Variants in PRNP observed in about 807,000 individuals in gnomAD.
PRNP encodes the protein prion protein (Kanno blood group).
A neutral mutation model predicts 21.3 loss-of-function variants in PRNP; 15 were observed. The observed-to-expected ratio is 0.71, with a 90% CI of 0.47 to 1.09. The LOEUF is 1.09. Ranked by LOEUF, PRNP falls within the 50% of genes least tolerant of loss-of-function variation. The pLI, the probability that PRNP is intolerant of heterozygous loss-of-function variation, is 0.00. For missense variants in PRNP, 285 were observed against 340.9 expected (o/e 0.84, Z 1.29); for synonymous variants, 121 against 123.1 (o/e 0.98, Z 0.11).
intron 1 of PRNP, among the ~76,000 whole-genome samples, chr20:4,696,433 G>A (rs937833447): frequency 1.3e-5 from 2 of 152,198 alleles, no homozygotes; most frequent in Admixed American, 6.5e-5. Flanking sequence ...TATTGCTACT[G>A]TAGAGGAATG....
intron 1 of PRNP, among the ~76,000 whole-genome samples, chr20:4,687,194 G>T (rs1308008223): frequency 6.6e-6 from 1 of 152,158 alleles, no homozygotes; most frequent in Non-Finnish European, 1.5e-5. Flanking sequence ...GCAGCCTTGC[G>T]GCCGTTGCCA....
rs1229191883 is a variant in PRNP at position 4,700,120 on chromosome 20, G to T, written c.*138G>T. 2 of 1,548,892 alleles carry T rather than the reference G, an allele frequency of 1.3e-6. No individual in the cohort carries two copies. Among genetic ancestry groups the T allele is most frequent in the Non-Finnish European group, 1.7e-6 (2 of 1,146,416 alleles). On this transcript the variant is annotated 3_prime_UTR_variant, in exon 2 of 2. Coordinates refer to ENST00000379440, the MANE Select transcript of PRNP (RefSeq NM_000311.5). This position sits in a 1 kb window ranked among gnomAD's most constrained non-coding sequence, Gnocchi z 4.1. ...CCGGATAGGCTAATCAATACCCTTG[G>T]CACTGATGGGCACTGGAAAACATAG...
chr20:4,699,905 G>T lies in PRNP; in HGVS notation c.685G>T (p.Gly229Ter), dbSNP rs1922478980. ...GGAATCTCAGGCCTATTACCAGAGAGGATCGAGCATGGTCCTCTTCTCCTC... is the reference window on the plus strand; with the variant it reads ...GGAATCTCAGGCCTATTACCAGAGATGATCGAGCATGGTCCTCTTCTCCTC... The part of the protein sequence containing the change: ...ERESQAYYQR[G>*]SSMVLFSSPP... Residue 229 changes from glycine to a stop codon, truncating the protein, a stop_gained, in exon 2 of 2, where the codon GGA becomes TGA. Transcript: ENST00000379440. LOFTEE classifies it high-confidence loss of function. This position sits in a 1 kb window ranked among gnomAD's most constrained non-coding sequence, Gnocchi z 5.8. 2 of 1,613,746 alleles carry T rather than the reference G, an allele frequency of 1.2e-6. No homozygotes were observed. The highest frequency in any genetic ancestry group is 1.7e-5 in the Admixed American group (1 of 59,950).
rs1922579436 is a variant in PRNP at position 4,701,092 on chromosome 20, T to C, written c.*1110T>C. On this transcript the variant is annotated 3_prime_UTR_variant, in exon 2 of 2. Transcript: ENST00000379440. This position sits in a 1 kb window ranked among gnomAD's most constrained non-coding sequence, Gnocchi z 4.2. ...AGACAATCTAAAAAATATCTTAGGTTGGAGATGACAGAAATATGATTGATT... is the reference window on the plus strand; with the variant it reads ...AGACAATCTAAAAAATATCTTAGGTCGGAGATGACAGAAATATGATTGATT... 1 of 166,042 alleles carries C rather than the reference T, an allele frequency of 6.0e-6. No individual in the cohort carries two copies. The highest frequency in any genetic ancestry group is 1.5e-5 in the Non-Finnish European group (1 of 68,110). 10.3% of individuals were successfully genotyped at this position (166,042 alleles called of 1,614,324 possible). A position where few individuals can be genotyped will look rare whatever the true frequency, so the allele number is the denominator to read the frequency against.
chr20:4,692,082 T>G (rs1327030068), intron 1 of PRNP, among the ~76,000 whole-genome samples: 2 of 152,234 alleles, frequency 1.3e-5, no homozygotes, highest in African/African-American at 4.8e-5. Flanking sequence ...TAAAATTACC[T>G]TTGAATTCTG....
At chr20:4,690,672 AATTT>A (rs1178042459) in intron 1 of PRNP, among the ~76,000 whole-genome samples, 2 of 152,150 alleles carry the variant, frequency 1.3e-5, no homozygotes, top group African/African-American at 4.8e-5. Flanking sequence ...TTCTTTTTCA[AATTT>A]ATTTATTTTT....
intron 1 of PRNP, among the ~76,000 whole-genome samples, chr20:4,687,128 C>T (rs1228098222): frequency 6.6e-6 from 1 of 152,182 alleles, no homozygotes; most frequent in East Asian, 1.9e-4. Flanking sequence ...CAGCGTTCCT[C>T]CCGGGAGGCG....
rs1430873472 is a variant in PRNP at position 4,701,265 on chromosome 20, AT to A, written c.*1284del. The A allele has an allele frequency of 1.0e-4, 17 of 167,170 alleles. No individual in the cohort carries two copies. The highest frequency in any genetic ancestry group is 3.9e-4 in the African/African-American group (16 of 41,546). The allele number at this position is 167,170 out of a possible 1,614,324, so 10.4% of individuals were successfully genotyped here. ...GTGAGTATTCTATGTAAAAATATAT[AT>A]GTATATAAAATATATATTGCATAGG... On this transcript the variant is annotated 3_prime_UTR_variant, in exon 2 of 2. Transcript: ENST00000379440. This position sits in a 1 kb window ranked among gnomAD's most constrained non-coding sequence, Gnocchi z 4.2.
Position 4,697,492 on chromosome 20 carries a change from G to T in PRNP, c.-10-1719G>T, listed in dbSNP as rs762250479. Among the ~76,000 whole-genome samples the T allele has an allele frequency of 2.0e-5, 3 of 152,170 alleles. No individual in the cohort carries two copies. The highest frequency in any genetic ancestry group is 7.2e-5 in the African/African-American group (3 of 41,438). On this transcript the variant is annotated intron_variant, in intron 1 of 1. Coordinates refer to ENST00000379440, the MANE Select transcript of PRNP (RefSeq NM_000311.5). The surrounding 1 kb of genome is among the most constrained non-coding windows in gnomAD (Gnocchi z 4.6). ...GGTGCTGTTTTAGGTAGAGTGATGG[G>T]AACAGCCCCACTGAGCAAACTTTAG...
At chr20:4,687,315 G>A (rs1055945461) in intron 1 of PRNP, among the ~76,000 whole-genome samples, 4 of 152,156 alleles carry the variant, frequency 2.6e-5, no homozygotes, top group Non-Finnish European at 5.9e-5. Context: ...GGCGGGGAGA[G>A]AGGAGCTGCA....
In PRNP at chr20:4,699,738, A is replaced by G. The variant is rs1292160648; in HGVS notation, c.518A>G (p.Asn173Ser). 2.5e-6 allele frequency: 4 copies of G among 1,613,958 alleles called. No individual in the cohort carries two copies. The South Asian group carries it at 4.4e-5, about 18-fold the overall frequency. Residue 173 changes from asparagine (N) to serine (S), a missense_variant, in exon 2 of 2, where the codon AAC (asparagine) becomes AGC (serine). Asn to Ser is a conservative substitution (Grantham distance 46, BLOSUM62 1). Coordinates refer to ENST00000379440, the MANE Select transcript of PRNP (RefSeq NM_000311.5). This position sits in a 1 kb window ranked among gnomAD's most constrained non-coding sequence, Gnocchi z 5.8. ...YRPMDEYSNQ[N>S]NFVHDCVNIT... Reference sequence around the variant, plus strand: ...CCCATGGATGAGTACAGCAACCAGAACAACTTTGTGCACGACTGCGTCAAT... The same window carrying G: ...CCCATGGATGAGTACAGCAACCAGAGCAACTTTGTGCACGACTGCGTCAAT...
intron 1 of PRNP, among the ~76,000 whole-genome samples, chr20:4,696,321 A>G (rs961913063): frequency 2.6e-5 from 4 of 152,186 alleles, no homozygotes; most frequent in Admixed American, 1.3e-4. Flanking sequence ...TGTTCTCTGT[A>G]TAATGTGTCA....
Position 4,699,673 on chromosome 20 carries a change from T to C in PRNP, c.453T>C (p.Arg151=). ...FGSDYEDRYY[R]ENMHRYPNQV... The stretch of plus-strand genomic sequence containing the variant: ...GTGACTATGAGGACCGTTACTATCG[T>C]GAAAACATGCACCGTTACCCCAACC... The change falls in exon 2 of 2, where the codon CGT becomes CGC. Residue 151 remains arginine (R), a synonymous_variant. Transcript: ENST00000379440. The surrounding 1 kb of genome is among the most constrained non-coding windows in gnomAD (Gnocchi z 5.8). 1 of 1,613,598 alleles carries C rather than the reference T, an allele frequency of 6.2e-7. No homozygotes were observed. The highest frequency in any genetic ancestry group is 8.5e-7 in the Non-Finnish European group (1 of 1,179,884).
At chr20:4,695,562 TG>T (rs1922115827) in intron 1 of PRNP, among the ~76,000 whole-genome samples, 1 of 143,336 alleles carries the variant, frequency 7.0e-6, no homozygotes. Context: ...AGTTTTGCAA[TG>T]AACATACACG....
chr20:4,699,586 G>A lies in PRNP; in HGVS notation c.366G>A (p.Val122=), dbSNP rs757409258. The part of the protein sequence containing the change: ...MAGAAAAGAV[V]GGLGGYMLGS... Reference sequence around the variant, plus strand: ...GTGCTGCAGCAGCTGGGGCAGTGGTGGGGGGCCTTGGCGGCTACATGCTGG... The same window carrying A: ...GTGCTGCAGCAGCTGGGGCAGTGGTAGGGGGCCTTGGCGGCTACATGCTGG... The change falls in exon 2 of 2, where the codon GTG becomes GTA. Residue 122 remains valine, a synonymous_variant. Coordinates refer to ENST00000379440, the MANE Select transcript of PRNP (RefSeq NM_000311.5). The surrounding 1 kb of genome is among the most constrained non-coding windows in gnomAD (Gnocchi z 5.8). 3 of 1,613,890 alleles carry A rather than the reference G, an allele frequency of 1.9e-6. No individual in the cohort carries two copies. The highest frequency in any genetic ancestry group is 3.3e-5 in the Admixed American group (2 of 60,010).
intron 1 of PRNP, among the ~76,000 whole-genome samples, chr20:4,696,477 C>T (rs994049114): frequency 1.3e-5 from 2 of 152,224 alleles, no homozygotes; most frequent in Non-Finnish European, 1.5e-5. Flanking sequence ...TTCAGTCCCA[C>T]AACCTTGCAC....
rs763734878 is a variant in PRNP, at chr20:4,697,821, G to A, written c.-10-1390G>A. Among the ~76,000 whole-genome samples, 142 of 152,272 alleles carry A rather than the reference G, an allele frequency of 9.3e-4. No individual in the cohort carries two copies. Among genetic ancestry groups the A allele is most frequent in the Non-Finnish European group, 1.7e-3 (116 of 68,024 alleles). On this transcript the variant is annotated intron_variant, in intron 1 of 1. Transcript: ENST00000379440. The surrounding 1 kb of genome is among the most constrained non-coding windows in gnomAD (Gnocchi z 4.6). Reference sequence around the variant, plus strand: ...AGAAATCAGGTGAGAAGTGATGGAAGCACCGAATAAGATGGTCATGTTGGA... The same window carrying A: ...AGAAATCAGGTGAGAAGTGATGGAAACACCGAATAAGATGGTCATGTTGGA...
rs536963151 is a variant in PRNP at position 4,687,929 on chromosome 20, T to G, written c.-11+1417T>G. On this transcript the variant is annotated intron_variant, in intron 1 of 1. Transcript: ENST00000379440. Reference sequence around the variant, plus strand: ...ACTTCTGGAAAAATCAACAACGCTCTTAGATTTGTAGAAGAAAGGAAAAAA... The same window carrying G: ...ACTTCTGGAAAAATCAACAACGCTCGTAGATTTGTAGAAGAAAGGAAAAAA... 5.3e-5 allele frequency among the ~76,000 whole-genome samples: 8 copies of G among 152,322 alleles called. No homozygotes were observed. In the South Asian group the frequency reaches 1.7e-3, roughly 32 times the overall value.
rs926468769 is a variant in PRNP at position 4,699,260 on chromosome 20, G to T, written c.40G>T (p.Ala14Ser). The T allele has an allele frequency of 4.3e-6, 7 of 1,613,960 alleles. No individual in the cohort carries two copies. The highest frequency in any genetic ancestry group is 2.7e-5 in the African/African-American group (2 of 74,916). ...CTGCTGGATGCTGGTTCTCTTTGTG[G>T]CCACATGGAGTGACCTGGGCCTCTG... The part of the protein sequence containing the change: ...LGCWMLVLFV[A>S]TWSDLGLCKK... The change falls in exon 2 of 2, where the codon GCC becomes TCC. Residue 14 changes from alanine (A) to serine (S), a missense_variant. Transcript: ENST00000379440. This position sits in a 1 kb window ranked among gnomAD's most constrained non-coding sequence, Gnocchi z 5.8.
Sources: allele counts gnomAD v4.1 joint callset (sites outside exome capture counted in the v4.1 genomes callset), GRCh38; gene constraint gnomAD v4.1.1; non-coding constraint Gnocchi (gnomAD v3.1); transcripts MANE v1.5; gene names NCBI Gene and HGNC (gene_info 2026-07-23, HGNC 2026-07-21).